Variants in ABCA4 observed in about 807,000 individuals in gnomAD.
ABCA4 encodes the protein ATP binding cassette subfamily A member 4, also known as retinal-specific phospholipid-transporting ATPase ABCA4.
In ABCA4, 196 loss-of-function variants were observed where a neutral mutation model predicts 263.7. That is an observed-to-expected ratio of 0.74 (90% CI 0.66 to 0.84). The LOEUF (loss-of-function observed/expected upper bound fraction) is 0.84. Ranked by LOEUF, ABCA4 falls within the 40% of genes least tolerant of loss-of-function variation. ABCA4 has a pLI of 0.00. For synonymous variants in ABCA4, 1,133 were observed against 1,094.2 expected (o/e 1.04, Z -0.70); for missense variants, 2,792 against 2,855.1 (o/e 0.98, Z 0.50).
chr1:94,036,560 A>G (rs1660342559), intron 26 of ABCA4, among the ~76,000 whole-genome samples, 180 bp downstream of exon 26: 1 of 152,018 alleles, frequency 6.6e-6, no homozygotes, highest in Non-Finnish European at 1.5e-5. Context: ...TATTTTTAGT[A>G]CAGATGGGGT....
At position 94,045,127 on chromosome 1, in the gene ABCA4, G is replaced by A. The variant is rs544200743; in HGVS notation, c.2919-383C>T. ...TGCATGACTCGAGGCGTTGCCTCCT[G>A]GGTGAGCAGTCATGGCTATTGAAAA... On this transcript the variant is annotated intron_variant, in intron 19 of 49. Coordinates refer to ENST00000370225, the MANE Select transcript of ABCA4 (RefSeq NM_000350.3). Among the ~76,000 whole-genome samples the A allele has an allele frequency of 8.5e-5, 13 of 152,350 alleles. No homozygotes were observed. The highest frequency in any genetic ancestry group is 1.9e-4 in the Non-Finnish European group (13 of 68,038).
chr1:94,068,056 G>A (rs945259677), intron 11 of ABCA4, among the ~76,000 whole-genome samples: 1 of 152,166 alleles, frequency 6.6e-6, no homozygotes, highest in African/African-American at 2.4e-5. Flanking sequence ...GAGGAAGGGA[G>A]CTATTTTCTT....
At chr1:94,116,708 C>G (rs891690229) in intron 1 of ABCA4, among the ~76,000 whole-genome samples, 2 of 152,120 alleles carry the variant, frequency 1.3e-5, no homozygotes, top group Non-Finnish European at 2.9e-5. Context: ...CTCCCCAGAG[C>G]GGCATCCCTG....
At chr1:94,109,375 C>A (rs4147813) in intron 3 of ABCA4, among the ~76,000 whole-genome samples, 6,910 of 152,256 alleles carry the variant, frequency 0.045, 308 homozygotes, top group East Asian at 0.14. Flanking sequence ...CACCCATTCA[C>A]GCAGGTAGGC....
At chr1:94,020,569 G>A (rs1659868504) in intron 35 of ABCA4, among the ~76,000 whole-genome samples, 3 of 152,216 alleles carry the variant, frequency 2.0e-5, no homozygotes, top group African/African-American at 7.2e-5. Context: ...GCCCTAGGGT[G>A]TCCAGAGGAA....
chr1:93,996,676 A>G (rs1659011700), intron 48 of ABCA4, among the ~76,000 whole-genome samples: 1 of 152,042 alleles, frequency 6.6e-6, no homozygotes, highest in Non-Finnish European at 1.5e-5. Flanking sequence ...GTCTCTAAAG[A>G]TGTTTATTTT....
chr1:94,061,654 C>G (rs1054223259), intron 13 of ABCA4, among the ~76,000 whole-genome samples: 1 of 152,166 alleles, frequency 6.6e-6, no homozygotes, highest in Non-Finnish European at 1.5e-5. Flanking sequence ...ATTGCCTCCC[C>G]ACACCCACCT....
intron 11 of ABCA4, among the ~76,000 whole-genome samples, chr1:94,068,859 T>C (rs1661339020): frequency 6.6e-6 from 1 of 152,246 alleles, no homozygotes; most frequent in Admixed American, 6.5e-5. Flanking sequence ...AGGCAGATTC[T>C]GGGCAAATGT....
intron 11 of ABCA4, among the ~76,000 whole-genome samples, chr1:94,064,162 G>C (rs1391805063): frequency 6.6e-6 from 1 of 152,226 alleles, no homozygotes; most frequent in Non-Finnish European, 1.5e-5. Flanking sequence ...TCTTGATTAA[G>C]TTGTTCCCTG....
rs1661170842 is a variant in ABCA4, at chr1:94,062,883, C to G, written c.1761-130G>C. 15 of 1,123,578 alleles carry G rather than the reference C, an allele frequency of 1.3e-5. No individual in the cohort carries two copies. The South Asian group carries it at 2.0e-4, about 15-fold the overall frequency. 69.6% of individuals were successfully genotyped at this position (1,123,578 alleles called of 1,614,324 possible). A position where few individuals can be genotyped will look rare whatever the true frequency, so the allele number is the denominator to read the frequency against. ...CTAAACGCTTCAAAAGGATCCAATT[C>G]TATTTCCTAGTCCTCAGTTTAAATC... On this transcript the variant is annotated intron_variant, in intron 12 of 49. Transcript: ENST00000370225.
chr1:94,009,102 G>C (rs112237724), intron 40 of ABCA4, among the ~76,000 whole-genome samples: 5 of 152,114 alleles, frequency 3.3e-5, no homozygotes, highest in Non-Finnish European at 7.3e-5. Context: ...GCCTCCTCAT[G>C]TGTGATCTTG....
intron 44 of ABCA4, among the ~76,000 whole-genome samples, chr1:94,003,254 A>T (rs1394228625): frequency 6.6e-6 from 1 of 151,942 alleles, no homozygotes; most frequent in Admixed American, 6.6e-5. Context: ...ATTGTCTGCT[A>T]TTCAGTCATT....
intron 6 of ABCA4, among the ~76,000 whole-genome samples, chr1:94,086,333 C>A (rs1661825292): frequency 6.6e-6 from 1 of 152,172 alleles, no homozygotes; most frequent in East Asian, 1.9e-4. Flanking sequence ...TAAGACAAGT[C>A]TGCTTTTAAG....
chr1:94,089,057 C>A (rs1557799425), intron 6 of ABCA4, among the ~76,000 whole-genome samples: 2 of 152,226 alleles, frequency 1.3e-5, no homozygotes, highest in Non-Finnish European at 2.9e-5. Context: ...CTGCAGGCCC[C>A]AGGCACACTC....
At chr1:93,998,698 T>C (rs923518114) in intron 47 of ABCA4, among the ~76,000 whole-genome samples, 1 of 141,566 alleles carries the variant, frequency 7.1e-6, no homozygotes, top group Non-Finnish European at 1.5e-5. Flanking sequence ...AAGGTAGTTT[T>C]ATTTATTTTA....
chr1:94,075,579 C>G (rs779207089), intron 11 of ABCA4, among the ~76,000 whole-genome samples: 62 of 152,094 alleles, frequency 4.1e-4, no homozygotes, highest in Non-Finnish European at 7.4e-5. Context: ...TCAAGAGCAC[C>G]AGGTGACAGA....
chr1:94,010,638 C>G (rs750509252), intron 40 of ABCA4, 162 bp downstream of exon 40: 17 of 1,020,548 alleles, frequency 1.7e-5, no homozygotes, highest in Non-Finnish European at 2.5e-5. Flanking sequence ...CCTATTTTAA[C>G]CCGATCCTCT....
intron 4 of ABCA4, among the ~76,000 whole-genome samples, chr1:94,106,716 T>C (rs774374895): frequency 7.2e-5 from 11 of 152,220 alleles, no homozygotes; most frequent in Non-Finnish European, 1.6e-4. Context: ...AGCATCTTCA[T>C]ACACCAATCT....
intron 24 of ABCA4, among the ~76,000 whole-genome samples, chr1:94,037,815 C>T (rs1039502411): frequency 2.6e-5 from 4 of 152,174 alleles, no homozygotes; most frequent in African/African-American, 9.7e-5. Flanking sequence ...ATACCTGGCA[C>T]ATAGGTGAGT....
Sources: gnomAD v4.1 joint callset for allele counts (sites outside exome capture counted in the v4.1 genomes callset) on GRCh38, gnomAD v4.1.1 for gene constraint, MANE v1.5 for transcripts, NCBI Gene and HGNC (gene_info 2026-07-23, HGNC 2026-07-21) for gene names.